The following ST7 variants were observed in gnomAD, a reference collection of about 807,000 sequenced individuals.
The protein encoded by ST7 is suppression of tumorigenicity 7, also known as suppressor of tumorigenicity 7 protein.
ST7 carries 28 observed loss-of-function variants against 78.7 expected under a neutral mutation model. The observed-to-expected ratio is 0.36, with a 90% CI of 0.26 to 0.49. The LOEUF (loss-of-function observed/expected upper bound fraction) is 0.49. Among genes scored for constraint, ST7 ranks in the 20% least tolerant of loss-of-function variants. ST7 has a pLI of 0.99. For synonymous variants in ST7, 247 were observed against 249.6 expected (o/e 0.99, Z 0.10); for missense variants, 418 against 696.0 (o/e 0.60, Z 4.49).
chr7:116,972,530 C>G, intron 1 of ST7: 1 of 1,147,104 alleles, frequency 8.7e-7, no homozygotes, highest in Non-Finnish European at 1.3e-6. Flanking sequence ...TGAGCTACCT[C>G]TTCATATTTC....
intron 7 of ST7, among the ~76,000 whole-genome samples, chr7:117,134,948 C>T (rs1304398172): frequency 6.6e-6 from 1 of 152,050 alleles, no homozygotes; most frequent in Non-Finnish European, 1.5e-5. Flanking sequence ...TAGCCCCAGC[C>T]CTTACATTAG....
rs146702397 is a variant in ST7, at chr7:117,165,087, A to G, written c.964-5775A>G. On this transcript the variant is annotated intron_variant, in intron 9 of 15. Transcript: ENST00000323984. The stretch of plus-strand genomic sequence containing the variant: ...ACGGTGGCTAGTAACTATAGAAAGG[A>G]TTCTGGGAATGGCGTGTAATAGTCT... 4.8e-3 allele frequency among the ~76,000 whole-genome samples: 727 copies of G among 152,262 alleles called. 16 individuals carry two copies. The highest frequency in any genetic ancestry group is 0.043 in the Admixed American group (662 of 15,278).
chr7:117,195,201 T>C (rs1477022478), intron 12 of ST7, among the ~76,000 whole-genome samples: 2 of 151,802 alleles, frequency 1.3e-5, no homozygotes, highest in Non-Finnish European at 2.9e-5. Flanking sequence ...TATGGTTGGG[T>C]ATTGGGGGTA....
At chr7:117,214,716 A>C (rs1792552657) in intron 13 of ST7, among the ~76,000 whole-genome samples, 1 of 151,864 alleles carries the variant, frequency 6.6e-6, no homozygotes, top group East Asian at 1.9e-4. Context: ...CCTTTCCTTT[A>C]TTCCGTCTCG....
intron 1 of ST7, among the ~76,000 whole-genome samples, chr7:117,068,700 G>T (rs187768116): frequency 6.6e-6 from 1 of 152,196 alleles, no homozygotes; most frequent in African/African-American, 2.4e-5. Flanking sequence ...AGCTCTCATT[G>T]TATAGGCTTT....
At chr7:117,229,019 T>G (rs1793616772) in intron 15 of ST7, among the ~76,000 whole-genome samples, 1 of 152,216 alleles carries the variant, frequency 6.6e-6, no homozygotes, top group Admixed American at 6.5e-5. Flanking sequence ...AGAATTAGAA[T>G]GGATTTGAGA....
At chr7:117,120,379 A>G (rs1175896728) in intron 3 of ST7, among the ~76,000 whole-genome samples, 1 of 152,214 alleles carries the variant, frequency 6.6e-6, no homozygotes, top group African/African-American at 2.4e-5. Flanking sequence ...GTGTCTAACT[A>G]GATCTGATCA....
At chr7:116,963,623 CT>C (rs869079661) in intron 1 of ST7, among the ~76,000 whole-genome samples, 2 of 146,028 alleles carry the variant, frequency 1.4e-5, no homozygotes, top group African/African-American at 2.5e-5. Flanking sequence ...AACTTTGGTT[CT>C]TTTTTTTCTT....
At chr7:117,117,786 C>T (rs1326485249) in intron 2 of ST7, 6 of 152,152 alleles carry the variant, frequency 3.9e-5, no homozygotes, top group Non-Finnish European at 1.5e-5. Context: ...CTGCAGCAGG[C>T]ACCGACTTAG....
chr7:117,172,431 T>C (rs1374309804), intron 10 of ST7, among the ~76,000 whole-genome samples: 3 of 152,262 alleles, frequency 2.0e-5, no homozygotes, highest in Admixed American at 6.5e-5. Flanking sequence ...TCATTTTGCC[T>C]GTGCAGACAT....
At chr7:116,984,410 G>T (rs1794100401) in intron 1 of ST7, among the ~76,000 whole-genome samples, 1 of 152,144 alleles carries the variant, frequency 6.6e-6, no homozygotes, top group Non-Finnish European at 1.5e-5. Flanking sequence ...AAGTCTGTGG[G>T]ATTATCTGTT....
chr7:117,103,683 T>G (rs912116228), intron 2 of ST7, among the ~76,000 whole-genome samples: 5 of 152,140 alleles, frequency 3.3e-5, no homozygotes, highest in African/African-American at 1.2e-4. Flanking sequence ...AGAACATTAG[T>G]CTGGGTAAAG....
At chr7:117,167,134 A>G (rs1207618549) in intron 9 of ST7, among the ~76,000 whole-genome samples, 1 of 151,082 alleles carries the variant, frequency 6.6e-6, no homozygotes, top group Non-Finnish European at 1.5e-5. Context: ...GGTTAGTTAC[A>G]TACGTATACA....
chr7:117,014,519 A>G (rs1032197784), intron 1 of ST7, among the ~76,000 whole-genome samples: 9 of 152,340 alleles, frequency 5.9e-5, no homozygotes, highest in Middle Eastern at 3.4e-3. Context: ...GGACAAATGG[A>G]TAAAATATGC....
chr7:116,996,619 G>T (rs927385499), intron 1 of ST7, among the ~76,000 whole-genome samples: 1 of 152,178 alleles, frequency 6.6e-6, no homozygotes, highest in Non-Finnish European at 1.5e-5. Context: ...TCCATTAGTT[G>T]TCATTTTCTG....
intron 3 of ST7, among the ~76,000 whole-genome samples, chr7:117,123,983 A>G (rs139998004): frequency 6.6e-6 from 1 of 152,146 alleles, no homozygotes; most frequent in Admixed American, 6.6e-5. Flanking sequence ...TTTAATCTTC[A>G]TAAGTATATA....
chr7:116,998,338 G>A (rs934971115), intron 1 of ST7, among the ~76,000 whole-genome samples: 3 of 152,184 alleles, frequency 2.0e-5, no homozygotes, highest in Non-Finnish European at 2.9e-5. Context: ...ACACTGGCCC[G>A]CAAGTGCCGT....
chr7:117,001,602 G>T (rs1794934531), intron 1 of ST7, among the ~76,000 whole-genome samples: 1 of 152,218 alleles, frequency 6.6e-6, no homozygotes. Context: ...CTTTGAGGTT[G>T]TTCCTGGGCC....
At chr7:116,990,713 C>T (rs1794386598) in intron 1 of ST7, among the ~76,000 whole-genome samples, 2 of 152,148 alleles carry the variant, frequency 1.3e-5, no homozygotes, top group Admixed American at 6.6e-5. Flanking sequence ...TGTAAATCCC[C>T]TTCCATACCC....
Sources: allele counts gnomAD v4.1 joint callset (sites outside exome capture counted in the v4.1 genomes callset), GRCh38; gene constraint gnomAD v4.1.1; transcripts MANE v1.5; gene names NCBI Gene and HGNC (gene_info 2026-07-23, HGNC 2026-07-21).